Variants in URI1 observed in about 807,000 individuals in gnomAD.
The protein encoded by URI1 is unconventional prefoldin RPB5 interactor 1.
URI1 carries 39 observed loss-of-function variants against 60.2 expected under a neutral mutation model. The observed-to-expected ratio is 0.65, with a 90% CI of 0.50 to 0.85. The LOEUF (loss-of-function observed/expected upper bound fraction) is 0.85. Among genes scored for constraint, URI1 ranks in the 40% least tolerant of loss-of-function variants. The probability of loss-of-function intolerance (pLI) is 0.00; values close to 1 mark genes in which losing one functional copy is unlikely to be tolerated. For missense variants in URI1, 691 were observed against 665.9 expected (o/e 1.04, Z -0.42); for synonymous variants, 251 against 236.8 (o/e 1.06, Z -0.55).
intron 10 of URI1, 136 bp downstream of exon 10, chr19:30,012,667 T>A (rs2056037917): frequency 3.6e-6 from 4 of 1,104,292 alleles, no homozygotes; most frequent in Non-Finnish European, 5.0e-6. Flanking sequence ...AAAAAATTAA[T>A]AGTCACAAAC....
chr19:29,968,406 G>C (rs753723106), intron 1 of URI1, among the ~76,000 whole-genome samples: 6 of 151,858 alleles, frequency 4.0e-5, no homozygotes, highest in Non-Finnish European at 7.4e-5. Context: ...AAGGCTCGCT[G>C]CCTTATGGTT....
Position 29,972,214 on chromosome 19 carries a change from ATAATC to A in URI1, c.152+991_152+995del, listed in dbSNP as rs943154653. Among the ~76,000 whole-genome samples the A allele has an allele frequency of 3.1e-3, 479 of 152,128 alleles. 1 individual carries two copies. The highest frequency in any genetic ancestry group is 0.011 in the African/African-American group (466 of 41,540). ...AATTTTGACTATTGGCTTGCAGAAA[ATAATC>A]TAAAACTAATAATATCCACTTTATA... On this transcript the variant is annotated intron_variant, in intron 2 of 10. Transcript: ENST00000392271.
At chr19:29,977,432 T>C (rs1235450649) in intron 2 of URI1, among the ~76,000 whole-genome samples, 1 of 152,110 alleles carries the variant, frequency 6.6e-6, no homozygotes, top group African/African-American at 2.4e-5. Context: ...CAATGACTTT[T>C]TTCTACAGTG....
At position 29,986,293 on chromosome 19, in the gene URI1, C is replaced by T. The variant is rs61754463; in HGVS notation, c.243C>T (p.Gly81=). The T allele has an allele frequency of 1.3e-3, 2,095 of 1,592,866 alleles. 4 individuals carry two copies. The highest frequency in any genetic ancestry group is 1.6e-3 in the Non-Finnish European group (1,878 of 1,174,414). The change falls in exon 4 of 11, where the codon GGC becomes GGT. Residue 81 remains glycine, a synonymous_variant. Transcript: ENST00000392271. The part of the protein sequence containing the change: ...KLSYNIMVPF[G]PFAFMPGKLV... ...TTTTTAAACAATAGGTACCATTTGGCCCTTTTGCCTTCATGCCAGGAAAAC... is the reference window on the plus strand; with the variant it reads ...TTTTTAAACAATAGGTACCATTTGGTCCTTTTGCCTTCATGCCAGGAAAAC...
chr19:29,975,608 A>C (rs1354155169), intron 2 of URI1, among the ~76,000 whole-genome samples: 3 of 146,690 alleles, frequency 2.0e-5, no homozygotes, highest in South Asian at 2.1e-4. Context: ...GGTTCAAGCT[A>C]TTCTCCTGAC....
intron 4 of URI1, among the ~76,000 whole-genome samples, chr19:29,988,188 G>T (rs1004780626): frequency 2.0e-5 from 3 of 149,168 alleles, no homozygotes; most frequent in East Asian, 3.9e-4. Flanking sequence ...AAAAAATTAC[G>T]TAAAGCTCTT....
rs170831 is a variant in URI1 at position 29,964,934 on chromosome 19, C to G, written c.118-6259C>G. Among the ~76,000 whole-genome samples the G allele has an allele frequency of 3.1e-3, 459 of 150,146 alleles. 2 individuals carry two copies. The highest frequency in any genetic ancestry group is 0.011 in the African/African-American group (430 of 40,780). On this transcript the variant is annotated intron_variant, in intron 1 of 10. Coordinates refer to ENST00000392271, the MANE Select transcript of URI1 (RefSeq NM_003796.3). ...CCTTTGAGCCTTTCACAGGCACATT[C>G]TCCTCCTAACCTGTGTGGCAAGTTT...
intron 1 of URI1, among the ~76,000 whole-genome samples, chr19:29,928,763 T>C (rs2054891768): frequency 6.6e-6 from 1 of 152,218 alleles, no homozygotes; most frequent in Non-Finnish European, 1.5e-5. Context: ...ATACTTATAC[T>C]AAAAGATTAC....
At chr19:29,977,501 T>C (rs1379252658) in intron 2 of URI1, among the ~76,000 whole-genome samples, 1 of 151,882 alleles carries the variant, frequency 6.6e-6, no homozygotes, top group Non-Finnish European at 1.5e-5. Flanking sequence ...TACAAAGTTT[T>C]CAGTCACTGT....
At chr19:29,942,105 C>T (rs1203057069), upstream of URI1, 1 of 523,382 alleles carries the variant, frequency 1.9e-6, no homozygotes, top group South Asian at 8.1e-5. Context: ...AAACGCAGCC[C>T]AGCGCGGACA....
chr19:29,928,459 C>T (rs899049797), intron 1 of URI1, among the ~76,000 whole-genome samples: 1 of 152,172 alleles, frequency 6.6e-6, no homozygotes, highest in Non-Finnish European at 1.5e-5. Flanking sequence ...CACCACCTCC[C>T]TTCACTCAGC....
chr19:29,926,215 TTC>T (rs903567912), intron 1 of URI1, among the ~76,000 whole-genome samples: 1 of 151,246 alleles, frequency 6.6e-6, no homozygotes, highest in Admixed American at 6.6e-5. Flanking sequence ...AATAAAAATC[TTC>T]TCTCTTTCTT....
In URI1 at chr19:30,009,289, C is replaced by T; in HGVS notation, c.971C>T (p.Ala324Val). 5.6e-6 allele frequency: 9 copies of T among 1,613,986 alleles called. No homozygotes were observed. The highest frequency in any genetic ancestry group is 7.6e-6 in the Non-Finnish European group (9 of 1,179,972). Residue 324 changes from alanine to valine, a missense_variant, in exon 8 of 11, where the codon GCT becomes GTT. Ala to Val is a moderately conservative substitution (Grantham distance 64, BLOSUM62 0). Transcript: ENST00000392271. ...GATGATGGTGATAACGACCATGAGG[C>T]TTTAGGGGTTGGAGATAATTCTATA... is the stretch of plus-strand genomic sequence containing the variant. ...DDDDGDNDHE[A>V]LGVGDNSIPT...
At chr19:30,005,729 A>T in intron 6 of URI1, 21 bp downstream of exon 6, 1 of 1,603,220 alleles carries the variant, frequency 6.2e-7, no homozygotes, top group Non-Finnish European at 8.5e-7. Flanking sequence ...AGATTGTTTT[A>T]TGTGTAGCTG....
intron 1 of URI1, chr19:29,956,920 G>A: frequency 9.0e-7 from 1 of 1,105,352 alleles, no homozygotes; most frequent in South Asian, 1.2e-5. Flanking sequence ...TGATAACTGT[G>A]CGTCCCTTCA....
intron 1 of URI1, among the ~76,000 whole-genome samples, chr19:29,946,013 T>C (rs1009026370): frequency 2.0e-5 from 3 of 152,202 alleles, no homozygotes; most frequent in Non-Finnish European, 2.9e-5. Context: ...TCTTGGTTAC[T>C]TCAGAGCTGA....
At position 30,009,457 on chromosome 19, in the gene URI1, G is replaced by A. The variant is rs554143179; in HGVS notation, c.1035+104G>A. On this transcript the variant is annotated intron_variant, in intron 8 of 10. Transcript: ENST00000392271. ...TTAACAATCATTATCATTGTGGATA[G>A]TGCCAGACAGGAAAATCATCTTTTG... 43 of 1,107,192 alleles carry A rather than the reference G, an allele frequency of 3.9e-5. No individual in the cohort carries two copies. The African/African-American group carries it at 6.0e-4, about 15-fold the overall frequency. The allele number at this position is 1,107,192 out of a possible 1,614,324, so 68.6% of individuals were successfully genotyped here.
chr19:29,940,232 C>T (rs1429126892), upstream of URI1, among the ~76,000 whole-genome samples: 1 of 152,054 alleles, frequency 6.6e-6, no homozygotes, highest in African/African-American at 2.4e-5. Context: ...GCACTTCATT[C>T]TGAGTACTGG....
intron 4 of URI1, among the ~76,000 whole-genome samples, chr19:29,995,294 G>A (rs1166626758): frequency 6.6e-6 from 1 of 152,036 alleles, no homozygotes; most frequent in Admixed American, 6.5e-5. Flanking sequence ...TATCAGCAGG[G>A]TTTTGATTTG....
Sources: allele counts gnomAD v4.1 joint callset (sites outside exome capture counted in the v4.1 genomes callset), GRCh38; gene constraint gnomAD v4.1.1; transcripts MANE v1.5; gene names NCBI Gene and HGNC (gene_info 2026-07-23, HGNC 2026-07-21).